The following PCSK2 variants were observed in gnomAD, a reference collection of about 807,000 sequenced individuals.
PCSK2 encodes neuroendocrine convertase 2.
PCSK2 carries 14 observed loss-of-function variants against 69.7 expected under a neutral mutation model. The observed-to-expected ratio is 0.20, with a 90% confidence interval of 0.13 to 0.31. PCSK2 has a LOEUF of 0.31. Ranked by LOEUF, PCSK2 falls within the 10% of genes least tolerant of loss-of-function variation. PCSK2 has a pLI of 1.00. For synonymous variants in PCSK2, 307 were observed against 320.7 expected (o/e 0.96, Z 0.46); for missense variants, 544 against 842.5 (o/e 0.65, Z 4.39).
chr20:17,256,429 C>T (rs1269780593), intron 1 of PCSK2, among the ~76,000 whole-genome samples: 1 of 151,896 alleles, frequency 6.6e-6, no homozygotes, highest in African/African-American at 2.4e-5. Flanking sequence ...TTATTTTTTC[C>T]TCTATGTGTG....
At chr20:17,369,179 C>T in intron 4 of PCSK2, 61 bp from the exon 5 acceptor site, 1 of 1,496,978 alleles carries the variant, frequency 6.7e-7, no homozygotes, top group East Asian at 2.3e-5. Flanking sequence ...GGGCAGCTTT[C>T]CTGAGGACAC....
intron 2 of PCSK2, among the ~76,000 whole-genome samples, chr20:17,331,978 G>A (rs998072849): frequency 7.9e-5 from 12 of 152,078 alleles, no homozygotes; most frequent in Admixed American, 7.9e-4. Context: ...CTAGGCACTG[G>A]TTATAATAAT....
intron 5 of PCSK2, among the ~76,000 whole-genome samples, chr20:17,398,372 T>A (rs575274720): frequency 6.6e-6 from 1 of 151,756 alleles, no homozygotes; most frequent in Admixed American, 6.6e-5. Context: ...AATTTTTTTT[T>A]AATTAGCCAG....
intron 2 of PCSK2, among the ~76,000 whole-genome samples, chr20:17,268,954 G>A (rs1987748044): frequency 6.6e-6 from 1 of 152,212 alleles, no homozygotes; most frequent in Non-Finnish European, 1.5e-5. Context: ...GATGAGGAAT[G>A]GGAGAGGAAG....
At chr20:17,253,232 T>G (rs1347637008) in intron 1 of PCSK2, among the ~76,000 whole-genome samples, 1 of 152,212 alleles carries the variant, frequency 6.6e-6, no homozygotes, top group Admixed American at 6.5e-5. Context: ...GCCATAAAAT[T>G]TATCCTCTAA....
At chr20:17,459,789 G>A (rs1464854778) in intron 10 of PCSK2, among the ~76,000 whole-genome samples, 1 of 152,174 alleles carries the variant, frequency 6.6e-6, no homozygotes, top group Non-Finnish European at 1.5e-5. Flanking sequence ...TTCAATGCCT[G>A]TTCCCCGGGA....
At chr20:17,296,476 C>T (rs1223042412) in intron 2 of PCSK2, among the ~76,000 whole-genome samples, 1 of 152,208 alleles carries the variant, frequency 6.6e-6, no homozygotes, top group Non-Finnish European at 1.5e-5. Flanking sequence ...CAGCACTTCA[C>T]CTGTGCTCAC....
chr20:17,304,360 A>G (rs1989259954), intron 2 of PCSK2, among the ~76,000 whole-genome samples: 1 of 152,194 alleles, frequency 6.6e-6, no homozygotes, highest in African/African-American at 2.4e-5. Context: ...AAAAGCCTAA[A>G]AGAGAGAAAG....
At chr20:17,256,342 C>T (rs1367806422) in intron 1 of PCSK2, among the ~76,000 whole-genome samples, 1 of 151,934 alleles carries the variant, frequency 6.6e-6, no homozygotes, top group Non-Finnish European at 1.5e-5. Flanking sequence ...TATATAATAT[C>T]ATGTGAATAT....
intron 2 of PCSK2, among the ~76,000 whole-genome samples, chr20:17,276,946 C>A (rs1456274372): frequency 6.6e-6 from 1 of 152,168 alleles, no homozygotes; most frequent in Non-Finnish European, 1.5e-5. Flanking sequence ...AGAGCCAAAT[C>A]ATGAGTGAAC....
At chr20:17,470,933 T>G (rs1455994620) in intron 11 of PCSK2, among the ~76,000 whole-genome samples, 2 of 152,206 alleles carry the variant, frequency 1.3e-5, no homozygotes, top group Non-Finnish European at 2.9e-5. Context: ...ATATTTACAA[T>G]TAACAAAAAG....
chr20:17,263,661 T>TCC (rs1174970718), intron 2 of PCSK2, among the ~76,000 whole-genome samples: 8 of 152,226 alleles, frequency 5.3e-5, no homozygotes, highest in Non-Finnish European at 1.5e-5. Context: ...CTCTTTTACA[T>TCC]ACATTCTTAA....
intron 5 of PCSK2, among the ~76,000 whole-genome samples, chr20:17,387,954 C>T (rs1359229152): frequency 1.3e-5 from 2 of 152,106 alleles, no homozygotes; most frequent in Non-Finnish European, 2.9e-5. Flanking sequence ...TCTGGGCTGC[C>T]AGTTAAGGGA....
intron 8 of PCSK2, among the ~76,000 whole-genome samples, chr20:17,449,623 T>G (rs1207824469): frequency 6.7e-6 from 1 of 148,466 alleles, no homozygotes; most frequent in Non-Finnish European, 1.5e-5. Context: ...CTCCGCCTCC[T>G]GGGTTCAAGC....
intron 8 of PCSK2, among the ~76,000 whole-genome samples, chr20:17,437,591 C>T (rs896753185): frequency 8.5e-5 from 13 of 152,138 alleles, no homozygotes; most frequent in Admixed American, 7.9e-4. Context: ...GCCTGTAAAA[C>T]GGTGATAATG....
chr20:17,393,366 G>T (rs1027676003), intron 5 of PCSK2, among the ~76,000 whole-genome samples: 1 of 152,020 alleles, frequency 6.6e-6, no homozygotes, highest in Admixed American at 6.5e-5. Context: ...AAAATTCTGA[G>T]TATTTTTCCA....
chr20:17,437,107 T>C (rs1263067687), intron 8 of PCSK2, among the ~76,000 whole-genome samples: 1 of 146,108 alleles, frequency 6.8e-6, no homozygotes, highest in Non-Finnish European at 1.5e-5. Context: ...CCTACCTGGC[T>C]CCTGCAAACG....
At chr20:17,407,105 G>A (rs941608136) in intron 5 of PCSK2, among the ~76,000 whole-genome samples, 1 of 152,098 alleles carries the variant, frequency 6.6e-6, no homozygotes, top group Non-Finnish European at 1.5e-5. Context: ...TCTCCACTGG[G>A]GATCAAGGGA....
chr20:17,452,718 C>T (rs892082280), intron 8 of PCSK2, among the ~76,000 whole-genome samples: 7 of 152,250 alleles, frequency 4.6e-5, no homozygotes, highest in African/African-American at 1.7e-4. Flanking sequence ...GCACTCCTAT[C>T]CACCCTCCCA....
Sources: gnomAD v4.1 joint callset for allele counts (sites outside exome capture counted in the v4.1 genomes callset) on GRCh38, gnomAD v4.1.1 for gene constraint, MANE v1.5 for transcripts, NCBI Gene and HGNC (gene_info 2026-07-23, HGNC 2026-07-21) for gene names.